Variants in STK32C observed in about 807,000 individuals in gnomAD.
STK32C encodes serine/threonine kinase 32C.
Under a neutral mutation model 56.5 loss-of-function variants are expected in STK32C, and 31 were observed. The observed-to-expected ratio is 0.55, with a 90% confidence interval of 0.41 to 0.74. STK32C has a LOEUF of 0.74. Ranked by LOEUF, STK32C falls within the 30% of genes least tolerant of loss-of-function variation. STK32C has a pLI of 0.00. For missense variants in STK32C, 544 were observed against 676.9 expected (o/e 0.80, Z 2.18); for synonymous variants, 309 against 289.4 (o/e 1.07, Z -0.69).
chr10:132,330,572 A>G, intron 1 of STK32C: 1 of 710,940 alleles, frequency 1.4e-6, no homozygotes, highest in East Asian at 2.7e-5. Context: ...AAGTGGCACA[A>G]TCATAACTCA....
Position 132,207,585 on chromosome 10 carries a change from AC to A in STK32C, c.*424del, listed in dbSNP as rs2062139537. On this transcript the variant is annotated 3_prime_UTR_variant, in exon 12 of 12. Transcript: ENST00000298630. Reference sequence around the variant, plus strand: ...GAAAACATTCACCTCCCCACCCACTACCCCAACCCATGCCCTTGACCTCCAA... The same window carrying A: ...GAAAACATTCACCTCCCCACCCACTACCCAACCCATGCCCTTGACCTCCAA... 3 of 170,412 alleles carry A rather than the reference AC, an allele frequency of 1.8e-5. No homozygotes were observed. Among genetic ancestry groups the A allele is most frequent in the South Asian group, 2.0e-4 (1 of 4,988 alleles). 10.6% of individuals were successfully genotyped at this position (170,412 alleles called of 1,614,324 possible). A position where few individuals can be genotyped will look rare whatever the true frequency, so the allele number is the denominator to read the frequency against.
intron 1 of STK32C, among the ~76,000 whole-genome samples, chr10:132,304,511 C>T (rs1370648549): frequency 6.6e-6 from 1 of 152,186 alleles, no homozygotes; most frequent in Non-Finnish European, 1.5e-5. Flanking sequence ...AATCAACAAG[C>T]ACCTTACGGC....
chr10:132,225,076 C>CA (rs1194667017), intron 7 of STK32C, among the ~76,000 whole-genome samples, 157 bp downstream of exon 7: 1 of 152,234 alleles, frequency 6.6e-6, no homozygotes, highest in African/African-American at 2.4e-5. Context: ...GGCATTCCAT[C>CA]ACCAACTACA....
chr10:132,237,022 C>A (rs2063316540), intron 2 of STK32C, among the ~76,000 whole-genome samples: 1 of 152,234 alleles, frequency 6.6e-6, no homozygotes, highest in Admixed American at 6.5e-5. Context: ...CCCAGTTCCA[C>A]CCCTAACGAC....
At chr10:132,296,828 C>T (rs960366940) in intron 1 of STK32C, among the ~76,000 whole-genome samples, 6 of 152,220 alleles carry the variant, frequency 3.9e-5, no homozygotes, top group African/African-American at 9.7e-5. Flanking sequence ...CAGGCGACCC[C>T]GGGGCATGGT....
chr10:132,231,121 C>T (rs918515760), intron 2 of STK32C, among the ~76,000 whole-genome samples: 4 of 152,212 alleles, frequency 2.6e-5, no homozygotes, highest in African/African-American at 9.6e-5. Context: ...GCCCTGTGAC[C>T]CAAGCCTGCT....
rs539207403 is a variant in STK32C, at chr10:132,326,353, G to C, written c.302-1980C>G. Among the ~76,000 whole-genome samples, 649 of 152,206 alleles carry C rather than the reference G, an allele frequency of 4.3e-3. 6 individuals carry two copies. The highest frequency in any genetic ancestry group is 0.015 in the African/African-American group (628 of 41,544). Reference sequence around the variant, plus strand: ...CTTAAAACCTCTATTTTATTTTTGAGACAAAGTTTCACCCTGCCACCAGGC... The same window carrying C: ...CTTAAAACCTCTATTTTATTTTTGACACAAAGTTTCACCCTGCCACCAGGC... On this transcript the variant is annotated intron_variant, in intron 1 of 1. Coordinates refer to the STK32C transcript ENST00000368619.
intron 1 of STK32C, among the ~76,000 whole-genome samples, chr10:132,259,647 G>C (rs1565120449): frequency 1.3e-5 from 2 of 152,338 alleles, no homozygotes; most frequent in South Asian, 4.1e-4. Flanking sequence ...ATGACTGTAA[G>C]TTTCCTGAGG....
intron 1 of STK32C, among the ~76,000 whole-genome samples, chr10:132,295,353 A>G (rs754135254): frequency 3.3e-5 from 5 of 152,226 alleles, no homozygotes; most frequent in Non-Finnish European, 5.9e-5. Context: ...AGCATCGTGC[A>G]GTGCCCGAAT....
At position 132,207,865 on chromosome 10, in the gene STK32C, G is replaced by A; in HGVS notation, c.*145C>T. Reference sequence around the variant, plus strand: ...TTGTCCCCTGCACCACCACGAGCCTGAGGTGTGAAATGTGTCCGGGGCACT... The same window carrying A: ...TTGTCCCCTGCACCACCACGAGCCTAAGGTGTGAAATGTGTCCGGGGCACT... On this transcript the variant is annotated 3_prime_UTR_variant, in exon 12 of 12. Coordinates refer to ENST00000298630, the MANE Select transcript of STK32C (RefSeq NM_173575.4). The A allele has an allele frequency of 9.3e-6, 9 of 972,904 alleles. No homozygotes were observed. The highest frequency in any genetic ancestry group is 1.2e-5 in the Non-Finnish European group (9 of 749,788). The allele number at this position is 972,904 out of a possible 1,614,324, so 60.3% of individuals were successfully genotyped here. A position where few individuals can be genotyped will look rare whatever the true frequency, so the allele number is the denominator to read the frequency against.
chr10:132,276,033 C>A (rs2064987525), intron 1 of STK32C, among the ~76,000 whole-genome samples: 1 of 152,188 alleles, frequency 6.6e-6, no homozygotes, highest in Admixed American at 6.5e-5. Flanking sequence ...AGCCGCCACA[C>A]CACCAGGCTG....
At position 132,224,514 on chromosome 10, in the gene STK32C, C is replaced by G. The variant is rs2062805917; in HGVS notation, c.886G>C (p.Asp296His). Reference protein sequence around the residue: ...YELLRGWRPYDIHSSNAVESL... With the variant: ...YELLRGWRPYHIHSSNAVESL... ...TCCACGGCGTTGCTGGAGTGGATGTCATAGGGCCTCTGGAGACAGGGAGGC... is the reference window on the plus strand; with the variant it reads ...TCCACGGCGTTGCTGGAGTGGATGTGATAGGGCCTCTGGAGACAGGGAGGC... Residue 296 changes from aspartate to histidine, a missense_variant, in exon 8 of 12, where the codon GAC (aspartate) becomes CAC (histidine). Asp to His is a moderately conservative substitution (Grantham distance 81). Around this residue, in one of 3 missense-constraint regions of STK32C, gnomAD observed 277 missense variants for 309.3 expected, o/e 0.90. Coordinates refer to ENST00000298630, the MANE Select transcript of STK32C (RefSeq NM_173575.4). 2 of 1,592,106 alleles carry G rather than the reference C, an allele frequency of 1.3e-6. No individual in the cohort carries two copies. Among genetic ancestry groups the G allele is most frequent in the Non-Finnish European group, 1.7e-6 (2 of 1,170,152 alleles).
chr10:132,219,025 G>A (rs939306558), intron 10 of STK32C, among the ~76,000 whole-genome samples: 7 of 152,142 alleles, frequency 4.6e-5, no homozygotes, highest in South Asian at 4.1e-4. Flanking sequence ...AAGTAGCTTC[G>A]TGGCTGCCAG....
At position 132,226,537 on chromosome 10, in the gene STK32C, G is replaced by A. The variant is rs558535948; in HGVS notation, c.644+258C>T. On this transcript the variant is annotated intron_variant, in intron 4 of 11. Coordinates refer to ENST00000298630, the MANE Select transcript of STK32C (RefSeq NM_173575.4). The stretch of plus-strand genomic sequence containing the variant: ...ACCCAGCCTGGTGGTCTGTCCACCA[G>A]GGCTAACAGCCCACTGTGCCCAGTC... 2.0e-5 allele frequency among the ~76,000 whole-genome samples: 3 copies of A among 152,336 alleles called. No homozygotes were observed. The South Asian group carries it at 6.2e-4, about 32-fold the overall frequency.
At chr10:132,230,676 T>TGGTGGGG (rs1301559652) in intron 2 of STK32C, among the ~76,000 whole-genome samples, 4 of 6,768 alleles carry the variant, frequency 5.9e-4, no homozygotes, top group African/African-American at 1.2e-3. Flanking sequence ...GGGGGGAAGC[T>TGGTGGGG]GGCGGGGGGG....
intron 1 of STK32C, among the ~76,000 whole-genome samples, chr10:132,286,212 A>AGG (rs1283219865): frequency 2.0e-5 from 3 of 152,218 alleles, no homozygotes; most frequent in Non-Finnish European, 4.4e-5. Flanking sequence ...CTTGAAAGAC[A>AGG]CAAATTATCA....
At chr10:132,238,735 G>A (rs1482124664) in intron 2 of STK32C, among the ~76,000 whole-genome samples, 1 of 152,186 alleles carries the variant, frequency 6.6e-6, no homozygotes, top group African/African-American at 2.4e-5. Flanking sequence ...GCAAGGCCCT[G>A]ACATTAAAGC....
intron 5 of STK32C, 56 bp from the exon 6 acceptor site, chr10:132,225,672 T>C: frequency 6.2e-7 from 1 of 1,609,576 alleles, no homozygotes; most frequent in Non-Finnish European, 8.5e-7. Flanking sequence ...CATCCTTGCG[T>C]GCAGGATCCT....
At chr10:132,211,787 T>C (rs1203866946) in intron 10 of STK32C, among the ~76,000 whole-genome samples, 1 of 152,168 alleles carries the variant, frequency 6.6e-6, no homozygotes, top group Non-Finnish European at 1.5e-5. Flanking sequence ...CAGGGACCTC[T>C]TGAACCGCAA....
Sources: allele counts gnomAD v4.1 joint callset (sites outside exome capture counted in the v4.1 genomes callset), GRCh38; gene constraint gnomAD v4.1.1; regional missense constraint gnomAD v4.1.1; transcripts MANE v1.5; gene names NCBI Gene and HGNC (gene_info 2026-07-23, HGNC 2026-07-21).